Variants in MAF observed in about 807,000 individuals in gnomAD.
The protein encoded by MAF is transcription factor Maf.
MAF carries 10 observed loss-of-function variants against 22.0 expected under a neutral mutation model. The observed-to-expected ratio is 0.45, with a 90% CI of 0.28 to 0.77. The LOEUF (loss-of-function observed/expected upper bound fraction) is 0.77. MAF is among the 30% of genes least tolerant of loss of function. MAF has a pLI of 0.12. For missense variants in MAF, 544 were observed against 548.4 expected (o/e 0.99, Z 0.08); for synonymous variants, 337 against 255.8 (o/e 1.32, Z -3.03).
chr16:79,393,589 C>G, the MAF span, among the ~76,000 whole-genome samples: 2,574 of 152,250 alleles, frequency 0.017, 23 homozygotes, highest in Non-Finnish European at 0.027. Context: ...GGGGAATTAA[C>G]CAGCTCCAGC....
chr16:79,438,984 A>G, the MAF span, among the ~76,000 whole-genome samples: 1 of 152,134 alleles, frequency 6.6e-6, no homozygotes, highest in Non-Finnish European at 1.5e-5. Context: ...CGAAAGAGCC[A>G]TAATCAAGCT....
chr16:79,274,569 C>G, the MAF span, among the ~76,000 whole-genome samples: 30 of 152,166 alleles, frequency 2.0e-4, no homozygotes, highest in Non-Finnish European at 3.5e-4. Flanking sequence ...TCACTGAGAA[C>G]AGAAGAAAGG....
At chr16:79,522,285 T>C in the MAF span, among the ~76,000 whole-genome samples, 1 of 152,224 alleles carries the variant, frequency 6.6e-6, no homozygotes, top group African/African-American at 2.4e-5. Flanking sequence ...GCCACATTTC[T>C]CTTTTTACAT....
the MAF span, among the ~76,000 whole-genome samples, chr16:79,408,862 G>A: frequency 6.6e-6 from 1 of 152,114 alleles, no homozygotes; most frequent in African/African-American, 2.4e-5. Context: ...TCAGATGGGG[G>A]GTCATATAAG....
the MAF span, among the ~76,000 whole-genome samples, chr16:79,573,811 A>C: frequency 6.6e-6 from 1 of 152,236 alleles, no homozygotes; most frequent in African/African-American, 2.4e-5. Context: ...AGTCTGCAAA[A>C]GTGACAAGGA....
chr16:79,439,771 G>C, the MAF span, among the ~76,000 whole-genome samples: 1 of 152,214 alleles, frequency 6.6e-6, no homozygotes. Context: ...AGTGCTGGAA[G>C]CACCAGCATG....
chr16:79,282,750 CAG>C, the MAF span, among the ~76,000 whole-genome samples: 1 of 152,140 alleles, frequency 6.6e-6, no homozygotes, highest in Non-Finnish European at 1.5e-5. Flanking sequence ...ATAGCATTGG[CAG>C]GTGGTTTCAT....
At chr16:79,462,475 A>C in the MAF span, among the ~76,000 whole-genome samples, 1 of 151,928 alleles carries the variant, frequency 6.6e-6, no homozygotes, top group East Asian at 1.9e-4. Context: ...TTCTTACCCC[A>C]CCTAACAATT....
chr16:79,481,110 T>C, the MAF span, among the ~76,000 whole-genome samples: 1 of 152,188 alleles, frequency 6.6e-6, no homozygotes, highest in East Asian at 1.9e-4. Flanking sequence ...TTCTGTTCTG[T>C]TCCCACTGGC....
the MAF span, among the ~76,000 whole-genome samples, chr16:79,260,311 T>C: frequency 1.3e-5 from 2 of 152,078 alleles, no homozygotes; most frequent in Non-Finnish European, 2.9e-5. Flanking sequence ...CCACCACACC[T>C]GGCTAATATT....
the MAF span, among the ~76,000 whole-genome samples, chr16:79,474,050 C>A: frequency 6.6e-6 from 1 of 151,640 alleles, no homozygotes; most frequent in East Asian, 1.9e-4. Flanking sequence ...ACAGAGGGCA[C>A]AGGAGAGAGG....
chr16:79,391,482 A>T, the MAF span, among the ~76,000 whole-genome samples: 6 of 152,282 alleles, frequency 3.9e-5, no homozygotes, highest in African/African-American at 1.4e-4. Flanking sequence ...ATTTCATGGC[A>T]GTTAAGATTA....
chr16:79,383,022 A>G, the MAF span, among the ~76,000 whole-genome samples: 2 of 152,218 alleles, frequency 1.3e-5, no homozygotes, highest in African/African-American at 2.4e-5. Context: ...CATGTACACT[A>G]TTTCAGTTGC....
the MAF span, among the ~76,000 whole-genome samples, chr16:79,480,346 G>C: frequency 6.6e-6 from 1 of 150,678 alleles, no homozygotes; most frequent in East Asian, 2.0e-4. Context: ...TCATTCTTTT[G>C]CAAAATACAT....
At chr16:79,246,543 G>A in the MAF span, among the ~76,000 whole-genome samples, 4 of 141,044 alleles carry the variant, frequency 2.8e-5, 1 homozygote, top group South Asian at 9.3e-4. Context: ...TTTTTTTTGG[G>A]GGGGGTGTGG....
chr16:79,241,955 C>T, the MAF span, among the ~76,000 whole-genome samples: 1 of 151,844 alleles, frequency 6.6e-6, no homozygotes, highest in South Asian at 2.1e-4. Flanking sequence ...GCTTCATAAG[C>T]AGAGGAGAAA....
the MAF span, chr16:79,205,024 G>C: frequency 6.6e-6 from 1 of 152,140 alleles, no homozygotes; most frequent in Non-Finnish European, 1.5e-5. Context: ...CTTCCTTCTA[G>C]CCAGACTCGG....
the MAF span, among the ~76,000 whole-genome samples, chr16:79,300,504 G>C: frequency 1.3e-5 from 2 of 151,904 alleles, no homozygotes; most frequent in Non-Finnish European, 2.9e-5. Flanking sequence ...GCAGTGAGTG[G>C]AGATCCGGCC....
chr16:79,357,269 A>ATT, the MAF span, among the ~76,000 whole-genome samples: 2 of 148,218 alleles, frequency 1.3e-5, no homozygotes, highest in East Asian at 4.0e-4. Flanking sequence ...AACAACAACA[A>ATT]CAACAACAAC....
Sources: allele counts gnomAD v4.1 joint callset (sites outside exome capture counted in the v4.1 genomes callset), GRCh38; gene constraint gnomAD v4.1.1; transcripts MANE v1.5; gene names NCBI Gene and HGNC (gene_info 2026-07-23, HGNC 2026-07-21).